The following FHOD3 variants were observed in gnomAD, a reference collection of about 807,000 sequenced individuals.
The protein encoded by FHOD3 is FH1/FH2 domain-containing protein 3.
In FHOD3, 90 loss-of-function variants were observed where a neutral mutation model predicts 173.0. The observed-to-expected ratio is 0.52, with a 90% confidence interval of 0.44 to 0.62. The LOEUF is 0.62. FHOD3 is among the 20% of genes least tolerant of loss of function. The probability of loss-of-function intolerance (pLI) is 0.00; values close to 1 mark genes in which losing one functional copy is unlikely to be tolerated. For missense variants in FHOD3, 1,945 were observed against 2,034.7 expected (o/e 0.96, Z 0.85); for synonymous variants, 828 against 823.0 (o/e 1.01, Z -0.10).
chr18:36,461,349 T>A (rs1346764419), intron 3 of FHOD3, among the ~76,000 whole-genome samples: 1 of 152,128 alleles, frequency 6.6e-6, no homozygotes, highest in East Asian at 1.9e-4. Context: ...TTTTTTTCAT[T>A]CCATTCTCAC....
chr18:36,649,653 G>C (rs1600082261), intron 11 of FHOD3, among the ~76,000 whole-genome samples: 1 of 152,052 alleles, frequency 6.6e-6, no homozygotes, highest in South Asian at 2.1e-4. Flanking sequence ...AAAATCACTG[G>C]TTTTCTCCTC....
intron 4 of FHOD3, among the ~76,000 whole-genome samples, chr18:36,509,426 C>CAAAAAAAAAAA (rs34772691): frequency 3.6e-5 from 2 of 54,852 alleles, no homozygotes; most frequent in African/African-American, 7.0e-5. Flanking sequence ...GACTCCATCT[C>CAAAAAAAAAAA]AAAAAAAAAA....
intron 13 of FHOD3, among the ~76,000 whole-genome samples, chr18:36,656,093 C>G (rs957942378): frequency 6.6e-6 from 1 of 152,026 alleles, no homozygotes; most frequent in African/African-American, 2.4e-5. Context: ...ATCAGGGTCT[C>G]GTCACGGAGA....
At chr18:36,616,153 A>G (rs554522346) in intron 9 of FHOD3, among the ~76,000 whole-genome samples, 177 of 152,342 alleles carry the variant, frequency 1.2e-3, no homozygotes, top group African/African-American at 4.2e-3. Flanking sequence ...AGAGAGCTCA[A>G]GAGAGTTGGT....
chr18:36,453,168 T>C (rs1415487219), intron 3 of FHOD3, among the ~76,000 whole-genome samples: 1 of 152,224 alleles, frequency 6.6e-6, no homozygotes, highest in Non-Finnish European at 1.5e-5. Flanking sequence ...GGTGTTGCTC[T>C]GATCACATAC....
intron 20 of FHOD3, among the ~76,000 whole-genome samples, chr18:36,739,283 G>A (rs1441150729): frequency 6.6e-6 from 1 of 152,098 alleles, no homozygotes; most frequent in Non-Finnish European, 1.5e-5. Flanking sequence ...AGATTTACAT[G>A]AGTATAAATA....
At chr18:36,309,698 T>G (rs1366105506) in intron 1 of FHOD3, among the ~76,000 whole-genome samples, 2 of 152,212 alleles carry the variant, frequency 1.3e-5, no homozygotes, top group Non-Finnish European at 2.9e-5. Flanking sequence ...AGCAGCACCA[T>G]GTGCCTGGGA....
chr18:36,768,212 G>A (rs1863615), intron 27 of FHOD3, among the ~76,000 whole-genome samples: 36,330 of 152,130 alleles, frequency 0.24, 6,111 homozygotes, highest in African/African-American at 0.48. Context: ...TTGTAGCAAC[G>A]TATATTCACT....
In FHOD3 at chr18:36,375,283, G is replaced by A. The variant is rs925941757; in HGVS notation, c.337+2539G>A. 3.3e-5 allele frequency among the ~76,000 whole-genome samples: 5 copies of A among 152,262 alleles called. No homozygotes were observed. In the East Asian group the frequency reaches 7.7e-4, roughly 23 times the overall value. On this transcript the variant is annotated intron_variant, in intron 3 of 28. Coordinates refer to ENST00000590592, the MANE Select transcript of FHOD3 (RefSeq NM_001281740.3). ...TTTCACATCTGTTGTTTTAGTCTTT[G>A]TTTCTTCTCAAGGTTATTTCCCTCT... is the stretch of plus-strand genomic sequence containing the variant.
At chr18:36,711,423 G>A (rs911823151) in intron 18 of FHOD3, 4 of 152,178 alleles carry the variant, frequency 2.6e-5, no homozygotes, top group African/African-American at 7.2e-5. Flanking sequence ...CTACTTTAGG[G>A]CATGCATGTG....
At position 36,612,179 on chromosome 18, in the gene FHOD3, TAAAGCGTATGAGCACCAC is replaced by T; in HGVS notation, c.957+85_957+102del. On this transcript the variant is annotated intron_variant, in intron 9 of 28. Coordinates refer to ENST00000590592, the MANE Select transcript of FHOD3 (RefSeq NM_001281740.3). Reference sequence around the variant, plus strand: ...GATGGCGCCTACTTTAGACCACGCGTAAAGCGTATGAGCACCACCAGCTTATTAGAAACTCAGCATCGT... The same window carrying T: ...GATGGCGCCTACTTTAGACCACGCGTCAGCTTATTAGAAACTCAGCATCGT... 3 of 1,436,844 alleles carry T rather than the reference TAAAGCGTATGAGCACCAC, an allele frequency of 2.1e-6. No homozygotes were observed. The South Asian group carries it at 4.0e-5, about 19-fold the overall frequency. The allele number at this position is 1,436,844 out of a possible 1,614,324, so 89.0% of individuals were successfully genotyped here. A position where few individuals can be genotyped will look rare whatever the true frequency, so the allele number is the denominator to read the frequency against.
chr18:36,766,659 G>A (rs1285227329), intron 27 of FHOD3, among the ~76,000 whole-genome samples: 2 of 152,196 alleles, frequency 1.3e-5, no homozygotes, highest in Non-Finnish European at 2.9e-5. Context: ...GAATGAAGTC[G>A]TGAGAGAATG....
intron 6 of FHOD3, among the ~76,000 whole-genome samples, chr18:36,594,278 G>A (rs897779276): frequency 2.6e-5 from 4 of 152,016 alleles, no homozygotes; most frequent in Non-Finnish European, 5.9e-5. Context: ...GCTCCAGGCG[G>A]CCTTCTCTGC....
intron 12 of FHOD3, 96 bp from the exon 13 acceptor site, chr18:36,653,246 A>G: frequency 5.2e-6 from 5 of 955,930 alleles, no homozygotes; most frequent in Non-Finnish European, 7.8e-6. Flanking sequence ...GTACCAAGCC[A>G]GGTGGCATGA....
intron 6 of FHOD3, among the ~76,000 whole-genome samples, chr18:36,583,584 C>T (rs927584549): frequency 2.0e-5 from 3 of 152,090 alleles, no homozygotes; most frequent in African/African-American, 7.2e-5. Flanking sequence ...TGTTGCTGTT[C>T]TGCCTGCTGT....
intron 5 of FHOD3, among the ~76,000 whole-genome samples, chr18:36,558,997 C>G (rs1345823378): frequency 6.6e-6 from 1 of 152,124 alleles, no homozygotes; most frequent in East Asian, 1.9e-4. Context: ...ACAAGCTATT[C>G]TATTGTCACC....
At chr18:36,632,429 G>A (rs2034581544) in intron 10 of FHOD3, among the ~76,000 whole-genome samples, 2 of 152,044 alleles carry the variant, frequency 1.3e-5, no homozygotes, top group South Asian at 4.1e-4. Context: ...CCTACAACTA[G>A]TCTTTATTTT....
intron 5 of FHOD3, among the ~76,000 whole-genome samples, chr18:36,514,542 A>T (rs866768894): frequency 3.9e-5 from 6 of 152,172 alleles, no homozygotes; most frequent in African/African-American, 1.4e-4. Context: ...AACCACAGGT[A>T]ATCACCTAAT....
intron 18 of FHOD3, among the ~76,000 whole-genome samples, chr18:36,713,307 T>C (rs1254187926): frequency 6.6e-6 from 1 of 152,204 alleles, no homozygotes; most frequent in Non-Finnish European, 1.5e-5. Context: ...AGAGGAATAC[T>C]TAGGACAACT....
Sources: allele counts gnomAD v4.1 joint callset (sites outside exome capture counted in the v4.1 genomes callset), GRCh38; gene constraint gnomAD v4.1.1; transcripts MANE v1.5; gene names NCBI Gene and HGNC (gene_info 2026-07-23, HGNC 2026-07-21).